The following MAP2K5 variants were observed in gnomAD, a reference collection of about 807,000 sequenced individuals.
MAP2K5 encodes the protein mitogen-activated protein kinase kinase 5.
A neutral mutation model predicts 83.1 loss-of-function variants in MAP2K5; 49 were observed. That is an observed-to-expected ratio of 0.59 (90% CI 0.47 to 0.75). MAP2K5 has a LOEUF of 0.75. Ranked by LOEUF, MAP2K5 falls within the 30% of genes least tolerant of loss-of-function variation. MAP2K5 has a pLI of 0.00. For missense variants in MAP2K5, 457 were observed against 557.5 expected (o/e 0.82, Z 1.82); for synonymous variants, 202 against 191.8 (o/e 1.05, Z -0.44).
At chr15:67,735,820 A>G (rs964704951) in intron 17 of MAP2K5, among the ~76,000 whole-genome samples, 2 of 152,160 alleles carry the variant, frequency 1.3e-5, no homozygotes, top group African/African-American at 4.8e-5. Flanking sequence ...AAGTCATAAT[A>G]ATAAACTTGG....
intron 3 of MAP2K5, among the ~76,000 whole-genome samples, chr15:67,564,671 T>C (rs1422422607): frequency 6.6e-6 from 1 of 152,222 alleles, no homozygotes; most frequent in Non-Finnish European, 1.5e-5. Flanking sequence ...GGCTCATCAG[T>C]ACCTTGAAAG....
rs1484705691 is a variant in MAP2K5 at position 67,774,585 on chromosome 15, C to T, written c.1242+1833C>T. Among the ~76,000 whole-genome samples the T allele has an allele frequency of 2.6e-5, 4 of 152,134 alleles. No homozygotes were observed. On this transcript the variant is annotated intron_variant, in intron 21 of 21. Coordinates refer to ENST00000178640, the MANE Select transcript of MAP2K5 (RefSeq NM_145160.3). This position sits in a 1 kb window ranked among gnomAD's most constrained non-coding sequence, Gnocchi z 4.9. ...TTCCTTTATCTTAAGGAACTTAAGCCACATCCTAGGGGCCCAATCTAAAGG... is the reference window on the plus strand; with the variant it reads ...TTCCTTTATCTTAAGGAACTTAAGCTACATCCTAGGGGCCCAATCTAAAGG...
intron 6 of MAP2K5, among the ~76,000 whole-genome samples, chr15:67,590,581 T>C (rs2085385323): frequency 6.6e-6 from 1 of 151,870 alleles, no homozygotes; most frequent in Admixed American, 6.6e-5. Flanking sequence ...GTGACCCGAG[T>C]AGCTAGGATT....
intron 13 of MAP2K5, chr15:67,680,076 A>G (rs191360355): frequency 6.6e-6 from 1 of 152,326 alleles, no homozygotes; most frequent in African/African-American, 2.4e-5. Flanking sequence ...AACATACCAC[A>G]TGAAATCTTT....
rs2090005422 is a variant in MAP2K5 at position 67,764,475 on chromosome 15, T to G, written c.1135-5127T>G. On this transcript the variant is annotated intron_variant, in intron 19 of 21. Transcript: ENST00000178640. This position sits in a 1 kb window ranked among gnomAD's most constrained non-coding sequence, Gnocchi z 4.9. ...AACCTCAGTGCCCTCCTGTTCATCC[T>G]GAGTGCCCAGCTTTGGCAGTCTCAC... Among the ~76,000 whole-genome samples the G allele has an allele frequency of 6.6e-6, 1 of 152,178 alleles. No individual in the cohort carries two copies. Among genetic ancestry groups the G allele is most frequent in the South Asian group, 2.1e-4 (1 of 4,828 alleles).
At chr15:67,798,127 C>T (rs1208564690) in intron 21 of MAP2K5, among the ~76,000 whole-genome samples, 1 of 152,216 alleles carries the variant, frequency 6.6e-6, no homozygotes, top group African/African-American at 2.4e-5. Context: ...ACACTTGTCA[C>T]TGGCCCCATA....
In MAP2K5 at chr15:67,747,878, G is replaced by A. The variant is rs1338525649; in HGVS notation, c.1075-353G>A. Among the ~76,000 whole-genome samples, 4 of 152,124 alleles carry A rather than the reference G, an allele frequency of 2.6e-5. No homozygotes were observed. The highest frequency in any genetic ancestry group is 4.4e-5 in the Non-Finnish European group (3 of 68,020). Reference sequence around the variant, plus strand: ...TTTTAATTTAAAAAGAGTGAGCTTCGTAACATTAGCAATGATTGCAACATT... The same window carrying A: ...TTTTAATTTAAAAAGAGTGAGCTTCATAACATTAGCAATGATTGCAACATT... On this transcript the variant is annotated intron_variant, in intron 17 of 21. Transcript: ENST00000178640. The surrounding 1 kb of genome is among the most constrained non-coding windows in gnomAD (Gnocchi z 4.1).
chr15:67,718,126 T>C (rs558065007), intron 16 of MAP2K5: 1 of 152,348 alleles, frequency 6.6e-6, no homozygotes, highest in African/African-American at 2.4e-5. Flanking sequence ...GCCAGAAGTA[T>C]GAGAATATCA....
intron 4 of MAP2K5, 68 bp from the exon 5 acceptor site, chr15:67,585,822 C>A (rs540900898): frequency 7.3e-7 from 1 of 1,374,918 alleles, no homozygotes. Context: ...TCTTTTTAAA[C>A]GATTCATTTT....
At chr15:67,713,963 T>A (rs1055258703) in intron 16 of MAP2K5, among the ~76,000 whole-genome samples, 16 of 152,230 alleles carry the variant, frequency 1.1e-4, no homozygotes, top group Non-Finnish European at 1.5e-5. Flanking sequence ...TCTTAGCCAG[T>A]TCAGTTTGTC....
At chr15:67,575,941 A>G (rs189581164) in intron 3 of MAP2K5, among the ~76,000 whole-genome samples, 1,293 of 38,554 alleles carry the variant, frequency 0.034, 33 homozygotes, top group African/African-American at 0.17. Context: ...TTTTTTTAAG[A>G]TGGAGTCTTG....
chr15:67,769,710 T>A lies in MAP2K5; in HGVS notation c.1196+47T>A, dbSNP rs2090106207. 1 of 1,589,914 alleles carries A rather than the reference T, an allele frequency of 6.3e-7. No homozygotes were observed. ...CCATGCCCTCAATGTAAATGATACA[T>A]GCCATTAACTCGGCAGCTCCGTGAG... is the stretch of plus-strand genomic sequence containing the variant. On this transcript the variant is annotated intron_variant, in intron 20 of 21. Coordinates refer to ENST00000178640, the MANE Select transcript of MAP2K5 (RefSeq NM_145160.3). The surrounding 1 kb of genome is among the most constrained non-coding windows in gnomAD (Gnocchi z 5.2).
chr15:67,586,050 T>A (rs1596601424), intron 5 of MAP2K5, 120 bp downstream of exon 5: 2 of 884,610 alleles, frequency 2.3e-6, no homozygotes, highest in East Asian at 5.3e-5. Context: ...CCTTTTATTT[T>A]TTTTAAATGG....
At chr15:67,607,607 T>C (rs1013039784) in intron 8 of MAP2K5, among the ~76,000 whole-genome samples, 24 of 152,210 alleles carry the variant, frequency 1.6e-4, no homozygotes, top group African/African-American at 5.8e-4. Flanking sequence ...TTAACTATTA[T>C]TGAAATAGTT....
Position 67,543,570 on chromosome 15 carries a change from TACTG to T in MAP2K5, c.135+101_135+104del. On this transcript the variant is annotated intron_variant, in intron 1 of 21. Transcript: ENST00000178640. This position sits in a 1 kb window ranked among gnomAD's most constrained non-coding sequence, Gnocchi z 4.3. ...GGTGACCTGAGCCAGTGGCAATGGC[TACTG>T]CTGGCTTCCTGTGGAGGCAGTTTTA... 7.2e-7 allele frequency: 1 copy of T among 1,386,090 alleles called. No homozygotes were observed. The allele number at this position is 1,386,090 out of a possible 1,614,324, so 85.9% of individuals were successfully genotyped here.
In MAP2K5 at chr15:67,769,351, T is replaced by A. The variant is rs370350430; in HGVS notation, c.1135-251T>A. 5.3e-5 allele frequency among the ~76,000 whole-genome samples: 8 copies of A among 152,244 alleles called. No individual in the cohort carries two copies. The East Asian group carries it at 5.8e-4, about 11-fold the overall frequency. On this transcript the variant is annotated intron_variant, in intron 19 of 21. Coordinates refer to ENST00000178640, the MANE Select transcript of MAP2K5 (RefSeq NM_145160.3). This position sits in a 1 kb window ranked among gnomAD's most constrained non-coding sequence, Gnocchi z 5.2. Reference sequence around the variant, plus strand: ...TACCTTCTCTCCTACCCTGTGGCTATCATTGTCCTTTTTTCACCTCCCCCT... The same window carrying A: ...TACCTTCTCTCCTACCCTGTGGCTAACATTGTCCTTTTTTCACCTCCCCCT...
chr15:67,567,309 C>T lies in MAP2K5; in HGVS notation c.252+3959C>T, dbSNP rs111678501. On this transcript the variant is annotated intron_variant, in intron 3 of 21. Transcript: ENST00000178640. ...TTAGAATATTCCACTTCTGGGATCA[C>T]GGCTTTTCCTCTGACACTATTGCAT... is the stretch of plus-strand genomic sequence containing the variant. 9.8e-3 allele frequency among the ~76,000 whole-genome samples: 1,470 copies of T among 150,756 alleles called. 30 individuals carry two copies. The highest frequency in any genetic ancestry group is 0.034 in the African/African-American group (1,405 of 41,110).
intron 21 of MAP2K5, among the ~76,000 whole-genome samples, chr15:67,800,534 T>G (rs2090685732): frequency 6.6e-6 from 1 of 152,208 alleles, no homozygotes; most frequent in African/African-American, 2.4e-5. Flanking sequence ...ATCAAACCAA[T>G]GTAGATGCTT....
In MAP2K5 at chr15:67,698,375, A is replaced by T. The variant is rs1365067563; in HGVS notation, c.972+4807A>T. Among the ~76,000 whole-genome samples the T allele has an allele frequency of 3.3e-5, 5 of 151,768 alleles. No individual in the cohort carries two copies. The highest frequency in any genetic ancestry group is 1.2e-4 in the African/African-American group (5 of 41,262). ...GCTAATTTTTGTATTTTTAGTAGAG[A>T]TGGGGGGTTGCGCCATGTTGGCCAT... On this transcript the variant is annotated intron_variant, in intron 15 of 21. Transcript: ENST00000178640. This position sits in a 1 kb window ranked among gnomAD's most constrained non-coding sequence, Gnocchi z 4.5.
Sources: allele counts gnomAD v4.1 joint callset (sites outside exome capture counted in the v4.1 genomes callset), GRCh38; gene constraint gnomAD v4.1.1; non-coding constraint Gnocchi (gnomAD v3.1); transcripts MANE v1.5; gene names NCBI Gene and HGNC (gene_info 2026-07-23, HGNC 2026-07-21).